EIF3D: variants seen among roughly 807,000 people sequenced by gnomAD.
EIF3D encodes eIF3 p66.
A neutral mutation model predicts 75.4 loss-of-function variants in EIF3D; 10 were observed. That is an observed-to-expected ratio of 0.13 (90% confidence interval 0.08 to 0.22). The LOEUF (loss-of-function observed/expected upper bound fraction) is 0.22. Ranked by LOEUF, EIF3D falls within the 10% of genes least tolerant of loss-of-function variation. The probability of loss-of-function intolerance (pLI) is 1.00; values close to 1 mark genes in which losing one functional copy is unlikely to be tolerated. For missense variants in EIF3D, 394 were observed against 708.0 expected, an observed-to-expected ratio of 0.56 and a Z score of 5.03; for synonymous variants, 246 against 248.3, an observed-to-expected ratio of 0.99 and a Z score of 0.09.
Position 36,519,463 on chromosome 22 carries a change from C to T in EIF3D, c.653G>A (p.Arg218Gln), listed in dbSNP as rs1322749578. The change falls in exon 8 of 15, where the codon CGG becomes CAG. Residue 218 changes from arginine (R) to glutamine (Q), a missense_variant. Physicochemically the swap from Arg to Gln is conservative, Grantham distance 43. Coordinates refer to ENST00000216190, the MANE Select transcript of EIF3D (RefSeq NM_003753.4). ...RITTRSEKPL[R>Q]SIKRIFHTVT... ...AGTGTGGAAGATGCGCTTGATGCTC[C>T]GCAGTGGCTTCTCACTCCTCGTGGT... 4 of 1,614,126 alleles carry T rather than the reference C, an allele frequency of 2.5e-6. No homozygotes were observed. Among genetic ancestry groups the T allele is most frequent in the South Asian group, 2.2e-5 (2 of 91,082 alleles).
chr22:36,523,183 GC>G, intron 6 of EIF3D, 25 bp downstream of exon 6: 2 of 1,593,722 alleles, frequency 1.3e-6, no homozygotes, highest in Non-Finnish European at 1.7e-6. Flanking sequence ...AAATTCCAAG[GC>G]AGAATTCTGG....
chr22:36,523,820 C>T (rs562589063), intron 5 of EIF3D, 75 bp downstream of exon 5: 1 of 1,373,540 alleles, frequency 7.3e-7, no homozygotes, highest in South Asian at 1.2e-5. Context: ...AACCATCCTC[C>T]TGCTTTGGTC....
intron 1 of EIF3D, 60 bp from the exon 2 acceptor site, chr22:36,526,191 C>T: frequency 6.8e-7 from 1 of 1,478,468 alleles, no homozygotes. Flanking sequence ...TACAAAACAC[C>T]CTCCATATGA....
chr22:36,520,745 A>G (rs528288783), intron 6 of EIF3D, 57 bp from the exon 7 acceptor site: 1 of 1,268,604 alleles, frequency 7.9e-7, no homozygotes, highest in African/African-American at 1.5e-5. Context: ...AAACATAAAT[A>G]AAAGACAGGC....
chr22:36,518,661 GAAGA>G, intron 9 of EIF3D, 98 bp downstream of exon 9: 1 of 1,461,012 alleles, frequency 6.8e-7, no homozygotes, highest in Non-Finnish European at 9.3e-7. Context: ...ATTCCCTTGG[GAAGA>G]CAGACCACTT....
intron 1 of EIF3D, chr22:36,528,763 C>A (rs191796794): frequency 1.3e-5 from 2 of 152,818 alleles, no homozygotes; most frequent in African/African-American, 4.8e-5. Context: ...AGGGAGTTTT[C>A]GGCCACTTCA....
intron 13 of EIF3D, 106 bp from the exon 14 acceptor site, chr22:36,511,892 TTC>T (rs1483453439): frequency 2.8e-5 from 38 of 1,354,444 alleles, no homozygotes; most frequent in East Asian, 1.3e-4. Context: ...CTGCTATTTT[TTC>T]TTTTTTTTTT....
intron 9 of EIF3D, 57 bp from the exon 10 acceptor site, chr22:36,517,488 G>A (rs926234761): frequency 2.8e-5 from 44 of 1,552,038 alleles, no homozygotes; most frequent in African/African-American, 4.1e-5. Context: ...GACAATGTGC[G>A]CAGCGCTGTG....
Position 36,510,855 on chromosome 22 carries a change from G to T in EIF3D, c.*132C>A. Reference sequence around the variant, plus strand: ...TCGTTAATGCAGGCAGACGATGAGGGAAAGACTAAACAGATATATATTTTA... The same window carrying T: ...TCGTTAATGCAGGCAGACGATGAGGTAAAGACTAAACAGATATATATTTTA... On this transcript the variant is annotated 3_prime_UTR_variant, in exon 15 of 15. Transcript: ENST00000216190. 9.1e-7 allele frequency: 1 copy of T among 1,100,246 alleles called. No homozygotes were observed. Among genetic ancestry groups the T allele is most frequent in the Non-Finnish European group, 1.2e-6 (1 of 804,228 alleles). The allele number at this position is 1,100,246 out of a possible 1,614,324, so 68.2% of individuals were successfully genotyped here.
At chr22:36,520,779 G>A in intron 6 of EIF3D, 91 bp from the exon 7 acceptor site, 2 of 832,808 alleles carry the variant, frequency 2.4e-6, no homozygotes, top group South Asian at 1.6e-5. Context: ...AGCTGGCCTG[G>A]TGCAGTGGCT....
chr22:36,511,884 G>A, intron 13 of EIF3D, 98 bp from the exon 14 acceptor site: 1 of 1,447,214 alleles, frequency 6.9e-7, no homozygotes, highest in Non-Finnish European at 9.1e-7. Context: ...CTGGTCCACT[G>A]CTATTTTTTC....
chr22:36,525,734 G>A, intron 2 of EIF3D, 25 bp from the exon 3 acceptor site: 1 of 1,608,036 alleles, frequency 6.2e-7, no homozygotes, highest in Non-Finnish European at 8.5e-7. Context: ...AAAAGACAGA[G>A]AATGCACAGG....
At position 36,523,212 on chromosome 22, in the gene EIF3D, T is replaced by C; in HGVS notation, c.462A>G (p.Ser154=). The part of the protein sequence containing the change: ...FGVRQKWDQK[S]QKPRDSSVEV... The stretch of plus-strand genomic sequence containing the variant: ...AATTCTGGTATAAATACATTACCTG[T>C]GATTTCTGATCCCATTTCTGCCTAA... The change falls in exon 6 of 15, where the codon TCA becomes TCG. Residue 154 remains serine (S), a synonymous_variant. Transcript: ENST00000216190. 6.2e-7 allele frequency: 1 copy of C among 1,613,720 alleles called. No homozygotes were observed. The highest frequency in any genetic ancestry group is 8.5e-7 in the Non-Finnish European group (1 of 1,179,630).
chr22:36,522,445 C>G (rs140125806), intron 6 of EIF3D, among the ~76,000 whole-genome samples: 3 of 152,246 alleles, frequency 2.0e-5, no homozygotes, highest in African/African-American at 7.2e-5. Flanking sequence ...CTACCACAGG[C>G]CGAATGTGGG....
At chr22:36,517,604 C>T (rs1934448562) in intron 9 of EIF3D, 173 bp from the exon 10 acceptor site, 1 of 596,108 alleles carries the variant, frequency 1.7e-6, no homozygotes, top group Non-Finnish European at 2.7e-6. Flanking sequence ...AGTGGGGCAG[C>T]TGCTCCAGGA....
intron 14 of EIF3D, 94 bp from the exon 15 acceptor site, chr22:36,511,094 T>C: frequency 6.9e-7 from 1 of 1,442,142 alleles, no homozygotes; most frequent in Non-Finnish European, 9.3e-7. Context: ...GTGCGTGAGT[T>C]TTCAACACTT....
intron 12 of EIF3D, chr22:36,512,970 C>T: frequency 5.9e-6 from 1 of 169,728 alleles, no homozygotes; most frequent in Non-Finnish European, 1.3e-5. Context: ...TAACAGTGAG[C>T]CAAGTGGAGA....
At chr22:36,524,564 C>T (rs1404318345) in intron 4 of EIF3D, 32 bp downstream of exon 4, 1 of 1,613,792 alleles carries the variant, frequency 6.2e-7, no homozygotes, top group Admixed American at 1.7e-5. Context: ...GTAACAGCCC[C>T]AAGATGGTGT....
chr22:36,512,144 C>T (rs1257623786), intron 13 of EIF3D, among the ~76,000 whole-genome samples: 23 of 152,130 alleles, frequency 1.5e-4, no homozygotes, highest in Admixed American at 1.5e-3. Flanking sequence ...CCAGCCTGGG[C>T]CTCCCAAAGT....
Sources: allele counts gnomAD v4.1 joint callset (sites outside exome capture counted in the v4.1 genomes callset), GRCh38; gene constraint gnomAD v4.1.1; transcripts MANE v1.5; gene names NCBI Gene and HGNC (gene_info 2026-07-23, HGNC 2026-07-21).